MEGF6: variants seen among roughly 807,000 people sequenced by gnomAD.
MEGF6 encodes the protein multiple epidermal growth factor-like domains protein 6.
A neutral mutation model predicts 207.1 loss-of-function variants in MEGF6; 184 were observed. The observed-to-expected ratio is 0.89, with a 90% CI of 0.79 to 1.00. MEGF6 has a LOEUF of 1.00. MEGF6 is among the 50% of genes least tolerant of loss of function. MEGF6 has a pLI of 0.00. For synonymous variants in MEGF6, 1,038 were observed against 910.0 expected (o/e 1.14, Z -2.53); for missense variants, 2,282 against 2,202.9 (o/e 1.04, Z -0.72).
intron 9 of MEGF6, 78 bp downstream of exon 9, chr1:3,511,472 A>G (rs903523741): frequency 2.0e-6 from 3 of 1,496,598 alleles, no homozygotes; most frequent in Admixed American, 1.9e-5. Context: ...AAGTCATGGC[A>G]TGGAACTGAT....
chr1:3,590,200 C>T (rs1179965819), intron 3 of MEGF6, among the ~76,000 whole-genome samples: 1 of 152,214 alleles, frequency 6.6e-6, no homozygotes, highest in African/African-American at 2.4e-5. Flanking sequence ...GAAGGACCAG[C>T]GAGTCAGCTG....
chr1:3,537,484 G>GTGTGTGCTC (rs1642368572), intron 4 of MEGF6, among the ~76,000 whole-genome samples: 2 of 152,262 alleles, frequency 1.3e-5, no homozygotes, highest in African/African-American at 2.4e-5. Context: ...ACAACTACCT[G>GTGTGTGCTC]TGTGTGCTCT....
In MEGF6 at chr1:3,505,434, G is replaced by C. The variant is rs200821968; in HGVS notation, c.2041C>G (p.Arg681Gly). The change falls in exon 16 of 37, where the codon CGC (arginine) becomes GGC (glycine). Residue 681 changes from arginine (R) to glycine (G), a missense_variant. Coordinates refer to ENST00000356575, the MANE Select transcript of MEGF6 (RefSeq NM_001409.4). ...CSCKAGFRGE[R>G]CQAECELGYF... ...TGCCTGGACTCACCTGCCTGACAGC[G>C]CTCGCCCCGGAAGCCAGCCTTGCAG... The C allele has an allele frequency of 7.9e-5, 126 of 1,600,560 alleles. No homozygotes were observed. The highest frequency in any genetic ancestry group is 1.1e-4 in the Non-Finnish European group (125 of 1,174,518).
chr1:3,500,806 G>A (rs371893523), intron 20 of MEGF6, 42 bp from the exon 21 acceptor site: 520 of 1,596,018 alleles, frequency 3.3e-4, no homozygotes, highest in Non-Finnish European at 4.0e-4. Context: ...GCCCAAGCGC[G>A]GGCCACGGGC....
chr1:3,492,888 G>A (rs1196753712), intron 34 of MEGF6, 121 bp from the exon 35 acceptor site: 3 of 1,388,626 alleles, frequency 2.2e-6, no homozygotes, highest in Non-Finnish European at 2.9e-6. Flanking sequence ...CTGCCTGGGT[G>A]TGTGCGGGAG....
chr1:3,544,195 T>A (rs1457759621), intron 4 of MEGF6, among the ~76,000 whole-genome samples: 3 of 149,960 alleles, frequency 2.0e-5, no homozygotes, highest in Admixed American at 6.6e-5. Context: ...GCTAACCCTC[T>A]CCCCCCAGCG....
Position 3,507,674 on chromosome 1 carries a change from G to T in MEGF6, c.1789+121C>A, listed in dbSNP as rs61264242. On this transcript the variant is annotated intron_variant, in intron 14 of 36. Coordinates refer to ENST00000356575, the MANE Select transcript of MEGF6 (RefSeq NM_001409.4). ...AGGAAAGGGAGTCTAGGAAAAGTTT[G>T]GTAGCAGTTTCCCTGCTCCAGTGGG... is the stretch of plus-strand genomic sequence containing the variant. 1.3e-3 allele frequency: 1,677 copies of T among 1,315,580 alleles called. 15 individuals carry two copies. In the African/African-American group the frequency reaches 0.019, roughly 15 times the overall value. The allele number at this position is 1,315,580 out of a possible 1,614,324, so 81.5% of individuals were successfully genotyped here. A position where few individuals can be genotyped will look rare whatever the true frequency, so the allele number is the denominator to read the frequency against.
chr1:3,545,845 A>G (rs1400728900), intron 4 of MEGF6, among the ~76,000 whole-genome samples: 1 of 152,216 alleles, frequency 6.6e-6, no homozygotes, highest in Non-Finnish European at 1.5e-5. Flanking sequence ...CCACAAGCAC[A>G]GGCTGGAGAG....
At chr1:3,517,576 G>T (rs557654713) in intron 5 of MEGF6, among the ~76,000 whole-genome samples, 1 of 152,338 alleles carries the variant, frequency 6.6e-6, no homozygotes, top group East Asian at 1.9e-4. Flanking sequence ...CTCAGGAGGG[G>T]CCACCCCTGC....
rs1640912187 is a variant in MEGF6, at chr1:3,502,049, C to CACA, written c.2189-129_2189-128insTGT. ...ATGGGCTCCTGGCGAGTGTGCCCCC[C>CACA]CGGCGCCTCCTCACATGGGCTCCTG... On this transcript the variant is annotated intron_variant, in intron 17 of 36. Transcript: ENST00000356575. The CACA allele has an allele frequency of 1.4e-4, 63 of 465,540 alleles. 1 individual carries two copies. Among genetic ancestry groups the CACA allele is most frequent in the East Asian group, 5.3e-4 (4 of 7,558 alleles). 28.8% of individuals were successfully genotyped at this position (465,540 alleles called of 1,614,324 possible). A position where few individuals can be genotyped will look rare whatever the true frequency, so the allele number is the denominator to read the frequency against.
In MEGF6 at chr1:3,488,713, G is replaced by A. The variant is rs149794642; in HGVS notation, c.*1815C>T. Among the ~76,000 whole-genome samples the A allele has an allele frequency of 8.5e-5, 13 of 152,336 alleles. No individual in the cohort carries two copies. Among genetic ancestry groups the A allele is most frequent in the African/African-American group, 2.4e-4 (10 of 41,568 alleles). Reference sequence around the variant, plus strand: ...TTTTCTGGCTCTCCGTGTTTCTCACGTATAGTCTGAGGTCAATTTGATTCC... The same window carrying A: ...TTTTCTGGCTCTCCGTGTTTCTCACATATAGTCTGAGGTCAATTTGATTCC... On this transcript the variant is annotated 3_prime_UTR_variant, in exon 37 of 37. Transcript: ENST00000356575.
At position 3,506,008 on chromosome 1, in the gene MEGF6, G is replaced by A. The variant is rs139566774; in HGVS notation, c.1918+100C>T. Reference sequence around the variant, plus strand: ...CCAGTGGGTGACCTGGCTGGGCCCCGATAGCCTCATCCTAACCCAGACTAC... The same window carrying A: ...CCAGTGGGTGACCTGGCTGGGCCCCAATAGCCTCATCCTAACCCAGACTAC... On this transcript the variant is annotated intron_variant, in intron 15 of 36. Coordinates refer to ENST00000356575, the MANE Select transcript of MEGF6 (RefSeq NM_001409.4). The A allele has an allele frequency of 7.9e-4, 1,140 of 1,445,222 alleles. 2 individuals carry two copies. The African/African-American group carries it at 0.01, about 13-fold the overall frequency. 89.5% of individuals were successfully genotyped at this position (1,445,222 alleles called of 1,614,324 possible). A position where few individuals can be genotyped will look rare whatever the true frequency, so the allele number is the denominator to read the frequency against.
intron 3 of MEGF6, among the ~76,000 whole-genome samples, chr1:3,582,727 G>A (rs775211061): frequency 3.0e-4 from 46 of 152,110 alleles, no homozygotes; most frequent in Non-Finnish European, 6.0e-4. Context: ...CCTGCTTGGG[G>A]GCCTCCCATG....
At chr1:3,572,593 C>T (rs1200072491) in intron 4 of MEGF6, among the ~76,000 whole-genome samples, 2 of 146,776 alleles carry the variant, frequency 1.4e-5, no homozygotes, top group African/African-American at 2.6e-5. Flanking sequence ...GTGATGGGTT[C>T]TCCTGAGTAT....
chr1:3,498,011 G>T (rs951133037), intron 26 of MEGF6, among the ~76,000 whole-genome samples: 2 of 152,140 alleles, frequency 1.3e-5, no homozygotes, highest in African/African-American at 4.8e-5. Flanking sequence ...ACTCCCACTG[G>T]CAGGAGGCCC....
intron 4 of MEGF6, among the ~76,000 whole-genome samples, chr1:3,532,189 C>T (rs953310808): frequency 1.3e-5 from 2 of 152,214 alleles, no homozygotes; most frequent in African/African-American, 2.4e-5. Context: ...GGGCATAGCC[C>T]GGGGGAGGCA....
intron 1 of MEGF6, among the ~76,000 whole-genome samples, chr1:3,608,957 C>G (rs1403400741): frequency 6.6e-6 from 1 of 152,228 alleles, no homozygotes; most frequent in Non-Finnish European, 1.5e-5. Context: ...CCCCTCGCTG[C>G]CTCCGACAGC....
chr1:3,611,619 C>T (rs1162228184), upstream of MEGF6: 2 of 183,462 alleles, frequency 1.1e-5, no homozygotes, highest in African/African-American at 5.0e-5. Flanking sequence ...GGCCCCGCCC[C>T]TTCCCCCTCC....
At position 3,514,574 on chromosome 1, in the gene MEGF6, C is replaced by A. The variant is rs200914366; in HGVS notation, c.829G>T (p.Ala277Ser). The change falls in exon 7 of 37, where the codon GCA becomes TCA. Residue 277 changes from alanine to serine, a missense_variant. Physicochemically the swap from Ala to Ser is moderately conservative, Grantham distance 99 (BLOSUM62 1). Coordinates refer to ENST00000356575, the MANE Select transcript of MEGF6 (RefSeq NM_001409.4). ...CCTTCACAGGCCTTGCCGTCCGCTG[C>A]TAGCTGATAGCCCACGTGGCACTCA... ...RCECHVGYQLAADGKACEDVD... is the reference protein window; with the variant it reads ...RCECHVGYQLSADGKACEDVD... 1,201 of 1,590,924 alleles carry A rather than the reference C, an allele frequency of 7.5e-4. 11 individuals are homozygous for A. The African/African-American group carries it at 0.013, about 18-fold the overall frequency.
Sources: allele counts gnomAD v4.1 joint callset (sites outside exome capture counted in the v4.1 genomes callset), GRCh38; gene constraint gnomAD v4.1.1; transcripts MANE v1.5; gene names NCBI Gene and HGNC (gene_info 2026-07-23, HGNC 2026-07-21).